FRMPD4: variants seen among roughly 807,000 people sequenced by gnomAD.
FRMPD4 encodes FERM and PDZ domain-containing protein 4.
A neutral mutation model predicts 94.1 loss-of-function variants in FRMPD4; 22 were observed. That is an observed-to-expected ratio of 0.23 (90% CI 0.17 to 0.33). The LOEUF (loss-of-function observed/expected upper bound fraction) is 0.33. FRMPD4 is among the 10% of genes least tolerant of loss of function. The pLI, the probability that FRMPD4 is intolerant of heterozygous loss-of-function variation, is 1.00. For synonymous variants in FRMPD4, 631 were observed against 548.6 expected, an observed-to-expected ratio of 1.15 and a Z score of -2.10; for missense variants, 1,111 against 1,339.9, an observed-to-expected ratio of 0.83 and a Z score of 2.67.
intron 2 of FRMPD4, among the ~76,000 whole-genome samples, chrX:12,526,031 ATT>A (rs1210244021): frequency 8.9e-6 from 1 of 112,542 alleles, no homozygotes; most frequent in Admixed American, 9.4e-5. Flanking sequence ...TGGATAAAAT[ATT>A]TCTTTTTATT....
At chrX:12,446,263 T>G (rs1199366295) in intron 1 of FRMPD4, among the ~76,000 whole-genome samples, 1 of 112,685 alleles carries the variant, frequency 8.9e-6, no homozygotes, top group African/African-American at 3.2e-5. Context: ...GTAGTTAGTA[T>G]GTATGACAAA....
intron 3 of FRMPD4, among the ~76,000 whole-genome samples, chrX:11,974,341 C>T (rs776889583): frequency 3.6e-5 from 4 of 111,335 alleles, no homozygotes; most frequent in African/African-American, 6.5e-5. Context: ...CCCACTCTTT[C>T]GCTTGCTTCC....
chrX:12,469,988 A>G (rs1438254370), intron 1 of FRMPD4, among the ~76,000 whole-genome samples: 1 of 112,160 alleles, frequency 8.9e-6, no homozygotes, highest in Non-Finnish European at 1.9e-5. Flanking sequence ...TCTGAAATGG[A>G]AATACTGATT....
intron 3 of FRMPD4, among the ~76,000 whole-genome samples, chrX:11,942,308 C>T (rs991602827): frequency 4.8e-5 from 5 of 104,191 alleles, no homozygotes; most frequent in Middle Eastern, 4.5e-3. Context: ...CTCCTGTGCT[C>T]AAGTGATCCT....
At chrX:12,637,064 A>G (rs1355422951) in intron 4 of FRMPD4, among the ~76,000 whole-genome samples, 1 of 112,529 alleles carries the variant, frequency 8.9e-6, no homozygotes, top group African/African-American at 3.2e-5. Flanking sequence ...ATTGATAAGG[A>G]CAGAACTAAG....
intron 1 of FRMPD4, among the ~76,000 whole-genome samples, chrX:12,220,479 A>G (rs1286409560): frequency 8.9e-6 from 1 of 111,939 alleles, no homozygotes; most frequent in Non-Finnish European, 1.9e-5. Flanking sequence ...CCTTCCCAGT[A>G]TTTACCCATA....
In FRMPD4 at chrX:12,107,103, C is replaced by T. The variant is rs756930615; in HGVS notation, c.95+229085C>T. Among the ~76,000 whole-genome samples the T allele has an allele frequency of 3.6e-5, 4 of 111,865 alleles. No homozygotes were observed. The South Asian group carries it at 1.5e-3, about 42-fold the overall frequency. On this transcript the variant is annotated intron_variant, in intron 3 of 18. Transcript: ENST00000640291. ...TCTGAGAAGGGACAGATTGCCTCCT[C>T]AAGTGGGTCCCTGACCCCCAAGTAG... is the stretch of plus-strand genomic sequence containing the variant.
chrX:12,692,231 ATTCT>A (rs1237734827), intron 8 of FRMPD4, among the ~76,000 whole-genome samples: 1 of 112,058 alleles, frequency 8.9e-6, no homozygotes, highest in African/African-American at 3.3e-5. Flanking sequence ...TCTAATAATC[ATTCT>A]TTCTTTAACT....
intron 9 of FRMPD4, among the ~76,000 whole-genome samples, chrX:12,698,076 T>C (rs998516467): frequency 2.7e-5 from 3 of 111,675 alleles, no homozygotes; most frequent in Admixed American, 1.9e-4. Context: ...AAAGATGCAA[T>C]AAAACAAGCC....
chrX:12,267,194 T>C (rs2054289352), intron 1 of FRMPD4, among the ~76,000 whole-genome samples: 1 of 112,094 alleles, frequency 8.9e-6, no homozygotes, highest in African/African-American at 3.2e-5. Context: ...GGACCCGCTA[T>C]ATAATCAAGA....
At chrX:12,018,847 A>G (rs1186003869) in intron 3 of FRMPD4, among the ~76,000 whole-genome samples, 1 of 112,200 alleles carries the variant, frequency 8.9e-6, no homozygotes, top group Non-Finnish European at 1.9e-5. Flanking sequence ...ACCACAGGTT[A>G]GGACTTCAAC....
intron 3 of FRMPD4, among the ~76,000 whole-genome samples, chrX:11,948,840 C>G (rs182991800): frequency 1.9e-4 from 21 of 112,059 alleles, no homozygotes; most frequent in African/African-American, 6.5e-4. Flanking sequence ...AAATTAGTAA[C>G]TGACTCATAA....
chrX:12,295,595 T>A (rs759921848), intron 1 of FRMPD4, among the ~76,000 whole-genome samples: 6 of 112,031 alleles, frequency 5.4e-5, no homozygotes, highest in African/African-American at 1.9e-4. Flanking sequence ...TAGTTTACCA[T>A]TTTACTTGCA....
intron 2 of FRMPD4, among the ~76,000 whole-genome samples, chrX:12,556,645 G>C (rs1258329899): frequency 1.8e-5 from 2 of 111,807 alleles, no homozygotes; most frequent in Non-Finnish European, 3.8e-5. Context: ...GATATGCCTT[G>C]TTTTAAAGCC....
At chrX:12,690,932 A>G (rs1045691610) in intron 8 of FRMPD4, among the ~76,000 whole-genome samples, 3 of 111,719 alleles carry the variant, frequency 2.7e-5, no homozygotes, top group Non-Finnish European at 5.6e-5. Flanking sequence ...TCTTTGTTGA[A>G]CGTATAAAAG....
chrX:12,714,831 G>T (rs777672658), intron 14 of FRMPD4, among the ~76,000 whole-genome samples: 88 of 111,757 alleles, frequency 7.9e-4, no homozygotes, highest in African/African-American at 2.8e-3. Context: ...CCCCCACAAG[G>T]TTTATTTATT....
intron 1 of FRMPD4, among the ~76,000 whole-genome samples, chrX:12,186,823 G>A (rs756257574): frequency 8.9e-6 from 1 of 112,173 alleles, no homozygotes; most frequent in South Asian, 3.7e-4. Context: ...TTGCACCATT[G>A]TATATTTTTC....
At chrX:12,564,979 A>C (rs6641051) in intron 2 of FRMPD4, among the ~76,000 whole-genome samples, 2 of 108,432 alleles carry the variant, frequency 1.8e-5, no homozygotes, top group Non-Finnish European at 3.8e-5. Context: ...CCAGCTACTC[A>C]GGAGGCTGAG....
At chrX:12,120,586 T>C (rs2055445807) in intron 3 of FRMPD4, among the ~76,000 whole-genome samples, 1 of 111,513 alleles carries the variant, frequency 9.0e-6, no homozygotes, top group African/African-American at 3.3e-5. Flanking sequence ...TCTGACTAAG[T>C]ATATTAACAG....
Sources: allele counts gnomAD v4.1 joint callset (sites outside exome capture counted in the v4.1 genomes callset), GRCh38; gene constraint gnomAD v4.1.1; transcripts MANE v1.5; gene names NCBI Gene and HGNC (gene_info 2026-07-23, HGNC 2026-07-21).